The following PRRC2B variants were observed in gnomAD, a reference collection of about 807,000 sequenced individuals.
The protein encoded by PRRC2B is proline rich coiled-coil 2B, also known as protein PRRC2B.
PRRC2B carries 68 observed loss-of-function variants against 242.3 expected under a neutral mutation model. The observed-to-expected ratio is 0.28, with a 90% confidence interval of 0.23 to 0.34. The LOEUF is 0.34. PRRC2B is among the 10% of genes least tolerant of loss of function. The pLI is 1.00. For synonymous variants in PRRC2B, 1,228 were observed against 1,173.6 expected (o/e 1.05, Z -0.95); for missense variants, 2,835 against 2,954.8 (o/e 0.96, Z 0.94).
At chr9:131,376,647 G>C (rs1279113664) in intron 1 of PRRC2B, among the ~76,000 whole-genome samples, 1 of 152,156 alleles carries the variant, frequency 6.6e-6, no homozygotes, top group Non-Finnish European at 1.5e-5. Flanking sequence ...GGAACCAGGA[G>C]GTGACGTTTC....
chr9:131,475,936 G>T lies in PRRC2B; in HGVS notation c.3807G>T (p.Arg1269=). 6.2e-7 allele frequency: 1 copy of T among 1,613,900 alleles called. No individual in the cohort carries two copies. Among genetic ancestry groups the T allele is most frequent in the East Asian group, 2.2e-5 (1 of 44,876 alleles). ...GACACCCTGACGCATTTGGTGGCCG[G>T]GGCTTTGAGGACAGCCGCGCGGAGG... The part of the protein sequence containing the change: ...SYRHPDAFGG[R]GFEDSRAEDK... The change falls in exon 16 of 32, where the codon CGG becomes CGT. Residue 1269 remains arginine, a synonymous_variant. Coordinates refer to ENST00000683519, the MANE Select transcript of PRRC2B (RefSeq NM_013318.4).
chr9:131,404,215 A>AC (rs1449677070), intron 1 of PRRC2B, among the ~76,000 whole-genome samples: 21 of 141,220 alleles, frequency 1.5e-4, no homozygotes, highest in Admixed American at 6.3e-4. Flanking sequence ...TTCCCAGTTG[A>AC]CTTTTTTTTT....
chr9:131,477,184 C>T (rs993402937), intron 16 of PRRC2B, among the ~76,000 whole-genome samples: 3 of 152,190 alleles, frequency 2.0e-5, no homozygotes, highest in African/African-American at 4.8e-5. Context: ...GCTTGTGCCT[C>T]GGACAGGGAG....
chr9:131,383,158 G>A (rs1836783117), intron 1 of PRRC2B, among the ~76,000 whole-genome samples: 1 of 152,058 alleles, frequency 6.6e-6, no homozygotes. Context: ...CACCTGCACC[G>A]AGAAGGCCTC....
intron 2 of PRRC2B, among the ~76,000 whole-genome samples, chr9:131,431,304 G>GT (rs2131325621): frequency 6.6e-6 from 1 of 151,954 alleles, no homozygotes; most frequent in East Asian, 2.0e-4. Context: ...CTAATTTTTT[G>GT]TATTTTTAGT....
intron 1 of PRRC2B, among the ~76,000 whole-genome samples, chr9:131,397,944 T>C (rs900513105): frequency 5.9e-5 from 9 of 152,226 alleles, no homozygotes; most frequent in South Asian, 4.1e-4. Context: ...CTAACTAGAC[T>C]GTCTTCTTTT....
chr9:131,439,407 A>G (rs1838481917), intron 5 of PRRC2B, among the ~76,000 whole-genome samples: 1 of 152,216 alleles, frequency 6.6e-6, no homozygotes, highest in African/African-American at 2.4e-5. Flanking sequence ...TGGTGTGGGC[A>G]GACGATTCAA....
intron 19 of PRRC2B, among the ~76,000 whole-genome samples, chr9:131,480,386 G>A (rs541198757): frequency 6.6e-6 from 1 of 152,326 alleles, no homozygotes; most frequent in South Asian, 2.1e-4. Flanking sequence ...ACTACATTTG[G>A]TAGTGGCTGA....
chr9:131,399,139 C>T (rs1049215075), intron 1 of PRRC2B, among the ~76,000 whole-genome samples: 3 of 150,512 alleles, frequency 2.0e-5, no homozygotes, highest in African/African-American at 7.4e-5. Flanking sequence ...AGCTGGATGC[C>T]GTGGCGAGTG....
At chr9:131,489,201 T>TC in intron 28 of PRRC2B, among the ~76,000 whole-genome samples, 1 of 151,518 alleles carries the variant, frequency 6.6e-6, no homozygotes, top group East Asian at 1.9e-4. Flanking sequence ...TTTTTTTTTT[T>TC]TGAGATGGAG....
chr9:131,385,633 T>C (rs1438782634), intron 1 of PRRC2B, among the ~76,000 whole-genome samples: 1 of 150,662 alleles, frequency 6.6e-6, no homozygotes, highest in Non-Finnish European at 1.5e-5. Flanking sequence ...GTCTTGCAAG[T>C]GTTAATTAAG....
intron 1 of PRRC2B, among the ~76,000 whole-genome samples, chr9:131,427,585 C>T (rs142456048): frequency 2.0e-3 from 298 of 152,258 alleles, no homozygotes; most frequent in African/African-American, 7.1e-3. Context: ...CTACCTCAGC[C>T]TCCCAAAGTG....
chr9:131,464,992 C>T lies in PRRC2B; in HGVS notation c.1634C>T (p.Ala545Val). The T allele has an allele frequency of 6.2e-7, 1 of 1,613,956 alleles. No individual in the cohort carries two copies. The highest frequency in any genetic ancestry group is 8.5e-7 in the Non-Finnish European group (1 of 1,179,896). Residue 545 changes from alanine (A) to valine (V), a missense_variant, in exon 12 of 32, where the codon GCC becomes GTC. Ala to Val is a moderately conservative substitution (Grantham distance 64). This residue lies in a region of PRRC2B where 1,536 missense variants were observed against 1,483.1 expected (regional missense o/e 1.04). Coordinates refer to ENST00000683519, the MANE Select transcript of PRRC2B (RefSeq NM_013318.4). ...AAGCAGGCACGAAAGGCAGGTGAGG[C>T]CCGGAAGCAGGCAGAGAAGGAAGTG... The part of the protein sequence containing the change: ...KCKQARKAGE[A>V]RKQAEKEVPW...
chr9:131,380,450 G>A (rs981157219), intron 1 of PRRC2B, among the ~76,000 whole-genome samples: 7 of 151,378 alleles, frequency 4.6e-5, no homozygotes, highest in Non-Finnish European at 8.8e-5. Flanking sequence ...GTGGTGGTGC[G>A]TGCCTGTAAT....
At chr9:131,459,489 A>G in intron 11 of PRRC2B, 133 bp downstream of exon 11, 1 of 833,764 alleles carries the variant, frequency 1.2e-6, no homozygotes, top group Non-Finnish European at 1.8e-6. Context: ...TTTTTCATAG[A>G]GACAGGGTCT....
chr9:131,488,146 G>T, intron 28 of PRRC2B, 50 bp downstream of exon 28: 6 of 1,561,572 alleles, frequency 3.8e-6, no homozygotes, highest in Non-Finnish European at 5.2e-6. Flanking sequence ...TTTCCTTCAC[G>T]ACCTTGCCTT....
chr9:131,478,649 G>GGGGGGGGGCCCGGGCC, intron 18 of PRRC2B, 30 bp downstream of exon 18: 1 of 504,560 alleles, frequency 2.0e-6, no homozygotes, highest in Non-Finnish European at 4.0e-6. Context: ...GGGGCATGGG[G>GGGGGGGGGCCCGGGCC]CTGGAGGGCA....
At chr9:131,406,614 T>C (rs893940292) in intron 1 of PRRC2B, among the ~76,000 whole-genome samples, 5 of 152,306 alleles carry the variant, frequency 3.3e-5, no homozygotes, top group Admixed American at 6.5e-5. Flanking sequence ...AGTTTTCTTA[T>C]CTGCCCCAAA....
At chr9:131,453,352 T>G (rs942040614) in intron 9 of PRRC2B, among the ~76,000 whole-genome samples, 1 of 152,226 alleles carries the variant, frequency 6.6e-6, no homozygotes, top group African/African-American at 2.4e-5. Context: ...TAACTCTGCT[T>G]TTTAATTAGA....
Sources: allele counts gnomAD v4.1 joint callset (sites outside exome capture counted in the v4.1 genomes callset), GRCh38; gene constraint gnomAD v4.1.1; regional missense constraint gnomAD v4.1.1; transcripts MANE v1.5; gene names NCBI Gene and HGNC (gene_info 2026-07-23, HGNC 2026-07-21).